CAMTA1: variants seen among roughly 807,000 people sequenced by gnomAD.
The protein encoded by CAMTA1 is calmodulin binding transcription activator 1.
CAMTA1 carries 27 observed loss-of-function variants against 170.9 expected under a neutral mutation model. That is an observed-to-expected ratio of 0.16 (90% CI 0.12 to 0.22). The LOEUF is 0.22. Among genes scored for constraint, CAMTA1 ranks in the 10% least tolerant of loss-of-function variants. CAMTA1 has a pLI of 1.00. For missense variants in CAMTA1, 1,619 were observed against 2,217.2 expected (o/e 0.73, Z 5.42); for synonymous variants, 833 against 891.5 (o/e 0.93, Z 1.17).
chr1:6,966,597 A>T (rs1228012006), intron 3 of CAMTA1, among the ~76,000 whole-genome samples: 1 of 141,666 alleles, frequency 7.1e-6, no homozygotes, highest in African/African-American at 2.6e-5. Context: ...ATTTTCCCTA[A>T]ACACTTTTGA....
At chr1:7,489,834 G>A (rs898632708) in intron 6 of CAMTA1, among the ~76,000 whole-genome samples, 9 of 152,154 alleles carry the variant, frequency 5.9e-5, no homozygotes, top group Non-Finnish European at 1.3e-4. Context: ...TGACCTAGAC[G>A]AGGGTGGGAC....
At chr1:7,744,078 T>G (rs910200955) in intron 16 of CAMTA1, among the ~76,000 whole-genome samples, 5 of 150,462 alleles carry the variant, frequency 3.3e-5, no homozygotes, top group Non-Finnish European at 4.4e-5. Flanking sequence ...CCGCCAGCCT[T>G]GGCCTCCCAA....
At chr1:6,806,278 T>C (rs1644502037) in intron 1 of CAMTA1, among the ~76,000 whole-genome samples, 2 of 152,244 alleles carry the variant, frequency 1.3e-5, no homozygotes, top group Admixed American at 1.3e-4. Context: ...TAGTAAGTTT[T>C]GAAATCAGGA....
At chr1:7,154,381 C>T (rs1430458813) in intron 4 of CAMTA1, among the ~76,000 whole-genome samples, 1 of 152,038 alleles carries the variant, frequency 6.6e-6, no homozygotes, top group Non-Finnish European at 1.5e-5. Flanking sequence ...CTTAGATTTC[C>T]TCTCTTTTTC....
intron 5 of CAMTA1, among the ~76,000 whole-genome samples, chr1:7,404,271 G>T (rs952745349): frequency 6.6e-6 from 1 of 152,264 alleles, no homozygotes; most frequent in South Asian, 2.1e-4. Context: ...GCCAACTCCC[G>T]GAAGATGCCT....
chr1:7,048,793 A>T (rs1047987249), intron 3 of CAMTA1, among the ~76,000 whole-genome samples: 1 of 152,188 alleles, frequency 6.6e-6, no homozygotes, highest in Admixed American at 6.5e-5. Context: ...GTGTGTGCAG[A>T]CACAGTCTGT....
chr1:7,680,184 G>A lies in CAMTA1; in HGVS notation c.2914+2451G>A, dbSNP rs545454943. The stretch of plus-strand genomic sequence containing the variant: ...CACGGGGCCTGGCCATGAACTTTGC[G>A]TCCGGGCCAATGCTGCAGTGGCCGG... On this transcript the variant is annotated intron_variant, in intron 11 of 22. Transcript: ENST00000303635. This position sits in a 1 kb window ranked among gnomAD's most constrained non-coding sequence, Gnocchi z 4.4. 2.6e-5 allele frequency: 7 copies of A among 272,502 alleles called. No homozygotes were observed. The highest frequency in any genetic ancestry group is 1.4e-4 in the African/African-American group (6 of 43,704). 16.9% of individuals were successfully genotyped at this position (272,502 alleles called of 1,614,324 possible). A position where few individuals can be genotyped will look rare whatever the true frequency, so the allele number is the denominator to read the frequency against.
intron 22 of CAMTA1, among the ~76,000 whole-genome samples, chr1:7,766,035 A>C (rs1033592114): frequency 8.5e-6 from 1 of 117,114 alleles, no homozygotes; most frequent in African/African-American, 4.0e-5. Flanking sequence ...TCAAAAAAAA[A>C]AAAAAAAAAA....
At chr1:7,086,241 T>A (rs553604375) in intron 3 of CAMTA1, among the ~76,000 whole-genome samples, 1 of 152,094 alleles carries the variant, frequency 6.6e-6, no homozygotes, top group East Asian at 1.9e-4. Context: ...CTTCTCAGCA[T>A]CGATGTGGTA....
intron 6 of CAMTA1, among the ~76,000 whole-genome samples, chr1:7,612,192 C>T (rs1020997262): frequency 2.0e-5 from 3 of 152,146 alleles, no homozygotes; most frequent in Non-Finnish European, 4.4e-5. Context: ...TCAGGTCACA[C>T]GGACTTGAAG....
At chr1:7,449,093 AG>A (rs1263072331) in intron 5 of CAMTA1, among the ~76,000 whole-genome samples, 1 of 152,234 alleles carries the variant, frequency 6.6e-6, no homozygotes, top group Non-Finnish European at 1.5e-5. Flanking sequence ...CCGAGCAGGA[AG>A]GGTGGCTGGC....
Position 7,344,695 on chromosome 1 carries a change from G to C in CAMTA1, c.438+95069G>C, listed in dbSNP as rs546500317. 4.6e-5 allele frequency among the ~76,000 whole-genome samples: 7 copies of C among 151,676 alleles called. No individual in the cohort carries two copies. The South Asian group carries it at 1.5e-3, about 32-fold the overall frequency. On this transcript the variant is annotated intron_variant, in intron 5 of 22. Coordinates refer to ENST00000303635, the MANE Select transcript of CAMTA1 (RefSeq NM_015215.4). ...ATTTCCCTGTTCACGGGTGAGCAGGGCCCCTCTTCCTGCAATTATTGGCCA... is the reference window on the plus strand; with the variant it reads ...ATTTCCCTGTTCACGGGTGAGCAGGCCCCCTCTTCCTGCAATTATTGGCCA...
intron 5 of CAMTA1, among the ~76,000 whole-genome samples, chr1:7,362,445 C>CAATAGAGTTAGTGGACTTG (rs1419890249): frequency 6.7e-5 from 10 of 150,096 alleles, no homozygotes; most frequent in African/African-American, 2.5e-4. Context: ...TAGTAGACTT[C>CAATAGAGTTAGTGGACTTG]AATAGAGTTA....
intron 3 of CAMTA1, among the ~76,000 whole-genome samples, chr1:7,062,396 G>A (rs1708348530): frequency 6.6e-6 from 1 of 152,162 alleles, no homozygotes. Context: ...AAGTGAGCAA[G>A]AAGAAGATAG....
chr1:7,369,525 G>A (rs1000619382), intron 5 of CAMTA1, among the ~76,000 whole-genome samples: 1 of 152,164 alleles, frequency 6.6e-6, no homozygotes, highest in African/African-American at 2.4e-5. Context: ...AAAATCAGCT[G>A]AGGGAAGAGA....
At chr1:7,217,798 T>G (rs1660023632) in intron 4 of CAMTA1, among the ~76,000 whole-genome samples, 1 of 152,200 alleles carries the variant, frequency 6.6e-6, no homozygotes, top group South Asian at 2.1e-4. Flanking sequence ...TTATTCTGGT[T>G]TTGTCTTTCC....
chr1:7,366,560 G>A (rs2150017965), intron 5 of CAMTA1, among the ~76,000 whole-genome samples: 1 of 152,378 alleles, frequency 6.6e-6, no homozygotes, highest in African/African-American at 2.4e-5. Flanking sequence ...ATGATTTGCA[G>A]CAGATGAAGT....
intron 11 of CAMTA1, among the ~76,000 whole-genome samples, chr1:7,700,205 T>C (rs1256655101): frequency 6.6e-6 from 1 of 152,034 alleles, no homozygotes; most frequent in Non-Finnish European, 1.5e-5. Flanking sequence ...ATTTTATATA[T>C]GGTGTGAGGC....
rs970902397 is a variant in CAMTA1, at chr1:7,455,516, T to A, written c.439-12314T>A. The stretch of plus-strand genomic sequence containing the variant: ...CAGACAGCTCAGCCTTGCATTAACA[T>A]AGCCACAGACCGGCCCGGCGTTTCC... On this transcript the variant is annotated intron_variant, in intron 5 of 22. Coordinates refer to ENST00000303635, the MANE Select transcript of CAMTA1 (RefSeq NM_015215.4). This position sits in a 1 kb window ranked among gnomAD's most constrained non-coding sequence, Gnocchi z 5.0. Among the ~76,000 whole-genome samples the A allele has an allele frequency of 6.6e-6, 1 of 152,220 alleles. No individual in the cohort carries two copies. Among genetic ancestry groups the A allele is most frequent in the Non-Finnish European group, 1.5e-5 (1 of 68,040 alleles).
Sources: allele counts gnomAD v4.1 joint callset (sites outside exome capture counted in the v4.1 genomes callset), GRCh38; gene constraint gnomAD v4.1.1; non-coding constraint Gnocchi (gnomAD v3.1); transcripts MANE v1.5; gene names NCBI Gene and HGNC (gene_info 2026-07-23, HGNC 2026-07-21).